The following PHF24 variants were observed in gnomAD, a reference collection of about 807,000 sequenced individuals.
PHF24 encodes PHD finger protein 24, also known as Galpha inhibitory interacting protein.
PHF24 carries 25 observed loss-of-function variants against 42.6 expected under a neutral mutation model. The observed-to-expected ratio is 0.59, with a 90% CI of 0.43 to 0.82. The LOEUF (loss-of-function observed/expected upper bound fraction) is 0.82, where lower values mean the gene tolerates loss of function less well. PHF24 is among the 40% of genes least tolerant of loss of function. PHF24 has a pLI of 0.00. For missense variants in PHF24, 470 were observed against 538.1 expected, an observed-to-expected ratio of 0.87 and a Z score of 1.25; for synonymous variants, 185 against 204.8, an observed-to-expected ratio of 0.90 and a Z score of 0.83.
At chr9:34,971,237 T>G in intron 1 of PHF24, 58 bp from the exon 2 acceptor site, 3 of 1,531,242 alleles carry the variant, frequency 2.0e-6, no homozygotes, top group Non-Finnish European at 2.6e-6. Flanking sequence ...TTGAAACTGA[T>G]TAGCCTGACA....
the PHF24 span, among the ~76,000 whole-genome samples, chr9:34,889,986 G>T: frequency 3.3e-5 from 5 of 152,142 alleles, no homozygotes; most frequent in African/African-American, 9.7e-5. Flanking sequence ...AGTAATCCTG[G>T]AGGATGCTCT....
At chr9:34,688,426 T>C in the PHF24 span, among the ~76,000 whole-genome samples, 1 of 152,144 alleles carries the variant, frequency 6.6e-6, no homozygotes, top group Non-Finnish European at 1.5e-5. Flanking sequence ...CACACGGCTC[T>C]CATCTCCCAG....
At chr9:34,922,607 A>C in the PHF24 span, 1 of 976,714 alleles carries the variant, frequency 1.0e-6, no homozygotes, top group Admixed American at 1.7e-5. Context: ...ACTGGGGATC[A>C]AGAACTTTTC....
At chr9:34,922,396 C>T in the PHF24 span, 3 of 1,421,914 alleles carry the variant, frequency 2.1e-6, no homozygotes, top group South Asian at 1.1e-5. Context: ...TAATAGAACA[C>T]GGAGAAGTTA....
chr9:34,668,386 G>A, the PHF24 span, among the ~76,000 whole-genome samples: 1 of 152,096 alleles, frequency 6.6e-6, no homozygotes, highest in Non-Finnish European at 1.5e-5. Context: ...TCACACAGGT[G>A]CACACAAAGG....
the PHF24 span, among the ~76,000 whole-genome samples, chr9:34,789,404 T>G: frequency 6.6e-6 from 1 of 152,236 alleles, no homozygotes; most frequent in East Asian, 1.9e-4. Flanking sequence ...GACCGAGGAC[T>G]CTGCATTTCC....
At chr9:34,709,978 A>G in the PHF24 span, 6 of 1,614,074 alleles carry the variant, frequency 3.7e-6, no homozygotes, top group East Asian at 1.1e-4. Context: ...GCCCCATGCA[A>G]GGCCCCTCCC....
chr9:34,819,972 A>G, the PHF24 span, among the ~76,000 whole-genome samples: 4 of 152,108 alleles, frequency 2.6e-5, no homozygotes, highest in Non-Finnish European at 5.9e-5. Context: ...ATGCTGTGCT[A>G]CTAGATGTTT....
chr9:34,914,952 ATTTTT>A, the PHF24 span, among the ~76,000 whole-genome samples: 2 of 118,508 alleles, frequency 1.7e-5, no homozygotes, highest in Admixed American at 9.2e-5. Context: ...TGCCTGGCTA[ATTTTT>A]TTTTTTTTTT....
the PHF24 span, among the ~76,000 whole-genome samples, chr9:34,714,926 G>C: frequency 1.3e-5 from 2 of 152,050 alleles, no homozygotes; most frequent in African/African-American, 4.8e-5. Context: ...CAACCCCCTA[G>C]GTCCCATCTC....
chr9:34,958,257 C>CTCT, upstream of PHF24: 1 of 156,104 alleles, frequency 6.4e-6, no homozygotes, highest in Non-Finnish European at 1.4e-5. The surrounding 1 kb of genome is among the most constrained non-coding windows in gnomAD (Gnocchi z 4.5). Flanking sequence ...CCGCCGCCGC[C>CTCT]TCCTCAGCCT....
the PHF24 span, among the ~76,000 whole-genome samples, chr9:34,739,370 C>T: frequency 6.6e-6 from 1 of 152,168 alleles, no homozygotes; most frequent in South Asian, 2.1e-4. Context: ...ATGTGAAATG[C>T]ACATAGCCTT....
At chr9:34,763,038 T>C in the PHF24 span, among the ~76,000 whole-genome samples, 1 of 152,216 alleles carries the variant, frequency 6.6e-6, no homozygotes, top group South Asian at 2.1e-4. Context: ...GAGGGCTCTG[T>C]TCTGTTCCAT....
chr9:34,850,836 G>C, the PHF24 span, among the ~76,000 whole-genome samples: 1 of 152,224 alleles, frequency 6.6e-6, no homozygotes, highest in Non-Finnish European at 1.5e-5. Context: ...CTCAGCTGCA[G>C]GTCTGTTGGA....
intron 4 of PHF24, 136 bp from the exon 5 acceptor site, chr9:34,976,399 G>C: frequency 9.5e-7 from 1 of 1,054,548 alleles, no homozygotes; most frequent in Non-Finnish European, 1.4e-6. Flanking sequence ...GTCACAGCCT[G>C]GGTGACCCTG....
At chr9:34,889,176 G>A in the PHF24 span, 2 of 398,520 alleles carry the variant, frequency 5.0e-6, no homozygotes, top group African/African-American at 4.1e-5. Flanking sequence ...AGGAACCTAT[G>A]AACTCCTTTT....
At chr9:34,681,883 G>A in the PHF24 span, among the ~76,000 whole-genome samples, 1 of 152,308 alleles carries the variant, frequency 6.6e-6, no homozygotes, top group Non-Finnish European at 1.5e-5. Flanking sequence ...TAGAAGAAGA[G>A]GAAGGGACCT....
the PHF24 span, among the ~76,000 whole-genome samples, chr9:34,944,839 G>A: frequency 6.6e-6 from 1 of 150,402 alleles, no homozygotes; most frequent in Non-Finnish European, 1.5e-5. Flanking sequence ...TTGTGCCTGT[G>A]GATAGCCACT....
At chr9:34,809,046 A>AT in the PHF24 span, among the ~76,000 whole-genome samples, 29 of 129,304 alleles carry the variant, frequency 2.2e-4, no homozygotes, top group African/African-American at 7.6e-4. The surrounding 1 kb of genome is among the most constrained non-coding windows in gnomAD (Gnocchi z 4.1). Flanking sequence ...ATAAAAAAAA[A>AT]AAATAATAAA....
Sources: gnomAD v4.1 joint callset for allele counts (sites outside exome capture counted in the v4.1 genomes callset) on GRCh38, gnomAD v4.1.1 for gene constraint, Gnocchi (gnomAD v3.1) non-coding constraint, MANE v1.5 for transcripts, NCBI Gene and HGNC (gene_info 2026-07-23, HGNC 2026-07-21) for gene names.